KIF26B: variants seen among roughly 807,000 people sequenced by gnomAD.
The protein encoded by KIF26B is kinesin-like protein KIF26B.
In KIF26B, 63 loss-of-function variants were observed where a neutral mutation model predicts 151.2. The ratio of observed to expected loss-of-function variants is 0.42; its 90% CI spans 0.34 to 0.51. The LOEUF (loss-of-function observed/expected upper bound fraction) is 0.51, where lower values mean the gene tolerates loss of function less well. Ranked by LOEUF, KIF26B falls within the 20% of genes least tolerant of loss-of-function variation. KIF26B has a pLI of 0.07. For synonymous variants in KIF26B, 1,357 were observed against 1,262.1 expected (o/e 1.08, Z -1.59); for missense variants, 2,813 against 2,913.6 (o/e 0.97, Z 0.79).
chr1:245,518,870 A>G (rs929569311), intron 4 of KIF26B, among the ~76,000 whole-genome samples: 2 of 152,242 alleles, frequency 1.3e-5, no homozygotes, highest in Admixed American at 6.5e-5. Flanking sequence ...AGCTGCTAAG[A>G]GTCCATGAGC....
chr1:245,603,789 A>G (rs150058857), intron 6 of KIF26B, among the ~76,000 whole-genome samples: 15 of 152,202 alleles, frequency 9.9e-5, no homozygotes, highest in East Asian at 9.7e-4. Flanking sequence ...TGGAGAAGAG[A>G]TTGCTTCTAA....
chr1:245,238,253 T>C (rs1014694514), intron 2 of KIF26B, among the ~76,000 whole-genome samples: 5 of 152,034 alleles, frequency 3.3e-5, no homozygotes, highest in African/African-American at 1.2e-4. Flanking sequence ...CAAGAATCAC[T>C]TGAACCCAAG....
intron 12 of KIF26B, among the ~76,000 whole-genome samples, chr1:245,689,150 C>A (rs758963005): frequency 1.3e-5 from 2 of 152,214 alleles, no homozygotes; most frequent in Non-Finnish European, 2.9e-5. Context: ...AGGCGAGGGC[C>A]CGGATGCAGG....
intron 2 of KIF26B, among the ~76,000 whole-genome samples, chr1:245,194,512 G>A (rs1422571400): frequency 2.6e-5 from 4 of 152,196 alleles, no homozygotes; most frequent in African/African-American, 4.8e-5. Flanking sequence ...AAGTAGCTGG[G>A]ACTACAGGCA....
intron 10 of KIF26B, among the ~76,000 whole-genome samples, chr1:245,657,871 A>G (rs1435059072): frequency 1.3e-5 from 2 of 152,196 alleles, no homozygotes; most frequent in Non-Finnish European, 2.9e-5. Context: ...ATGTAGAAAC[A>G]CACCTACTCA....
chr1:245,350,514 C>T (rs559224377), intron 2 of KIF26B, among the ~76,000 whole-genome samples: 6 of 152,180 alleles, frequency 3.9e-5, no homozygotes, highest in Admixed American at 3.3e-4. Flanking sequence ...CTTTGGGCTG[C>T]TGTCCCCTGA....
intron 3 of KIF26B, among the ~76,000 whole-genome samples, chr1:245,415,888 C>A (rs1674404650): frequency 6.6e-6 from 1 of 151,584 alleles, no homozygotes; most frequent in Non-Finnish European, 1.5e-5. Context: ...AAAGAGGCAG[C>A]TCTTGATCCC....
chr1:245,660,013 C>T (rs918923343), intron 10 of KIF26B, among the ~76,000 whole-genome samples: 4 of 151,912 alleles, frequency 2.6e-5, no homozygotes, highest in Admixed American at 2.6e-4. Flanking sequence ...CACGCCATTG[C>T]ACTCCAGCCT....
chr1:245,451,716 C>T (rs1232482666), intron 4 of KIF26B, among the ~76,000 whole-genome samples: 1 of 149,730 alleles, frequency 6.7e-6, no homozygotes, highest in Non-Finnish European at 1.5e-5. Flanking sequence ...TCTCCTGCCT[C>T]AGCCTCCCGA....
At position 245,547,692 on chromosome 1, in the gene KIF26B, C is replaced by CA. The variant is rs547587743; in HGVS notation, c.1350+6743dup. On this transcript the variant is annotated intron_variant, in intron 5 of 14. Coordinates refer to ENST00000407071, the MANE Select transcript of KIF26B (RefSeq NM_018012.4). The stretch of plus-strand genomic sequence containing the variant: ...TGTGGATATCATTTTCTGTTGTCTT[C>CA]ATTATCAAATGGAGAACTAGAAGGG... 6.9e-4 allele frequency among the ~76,000 whole-genome samples: 104 copies of CA among 151,586 alleles called. 1 individual carries two copies. In the South Asian group the frequency reaches 0.021, roughly 30 times the overall value.
In KIF26B at chr1:245,287,436, G is replaced by A. The variant is rs187754255; in HGVS notation, c.466-79398G>A. 9.0e-4 allele frequency among the ~76,000 whole-genome samples: 135 copies of A among 149,892 alleles called. 3 individuals carry two copies. In the South Asian group the frequency reaches 0.017, roughly 19 times the overall value. ...GTTTTTTTCTTCCAAATTATTGGTC[G>A]GATTGTGTAATTATTAAGAGCCTTT... On this transcript the variant is annotated intron_variant, in intron 2 of 14. Transcript: ENST00000407071.
chr1:245,552,503 A>T (rs1391046339), intron 5 of KIF26B, among the ~76,000 whole-genome samples: 1 of 152,098 alleles, frequency 6.6e-6, no homozygotes, highest in African/African-American at 2.4e-5. Context: ...TTACCATCGC[A>T]CTAGGGGAAT....
intron 9 of KIF26B, among the ~76,000 whole-genome samples, chr1:245,637,391 G>T (rs888843052): frequency 6.6e-6 from 1 of 151,870 alleles, no homozygotes; most frequent in Non-Finnish European, 1.5e-5. Flanking sequence ...TGAGTTGTTT[G>T]AATTCCTCAT....
At position 245,706,449 on chromosome 1, in the gene KIF26B, T is replaced by TA. The variant is rs201252469; in HGVS notation, c.*3844dup. 2.6e-5 allele frequency: 4 copies of TA among 152,226 alleles called. No homozygotes were observed. In the East Asian group the frequency reaches 7.7e-4, roughly 29 times the overall value. The allele number at this position is 152,226 out of a possible 1,614,324, so 9.4% of individuals were successfully genotyped here. A position where few individuals can be genotyped will look rare whatever the true frequency, so the allele number is the denominator to read the frequency against. ...CACTGCTGATTATATTGAGTGTTTT[T>TA]AGGTTTTTTAGGTTTCTTATTCCAA... On this transcript the variant is annotated 3_prime_UTR_variant, in exon 15 of 15. Coordinates refer to ENST00000407071, the MANE Select transcript of KIF26B (RefSeq NM_018012.4).
At chr1:245,323,668 A>G (rs937998684) in intron 2 of KIF26B, among the ~76,000 whole-genome samples, 4 of 152,206 alleles carry the variant, frequency 2.6e-5, no homozygotes, top group African/African-American at 9.7e-5. Context: ...AAAGGCTCTG[A>G]AAAGACCCAC....
At chr1:245,510,779 C>T (rs1213300587) in intron 4 of KIF26B, among the ~76,000 whole-genome samples, 5 of 151,860 alleles carry the variant, frequency 3.3e-5, no homozygotes, top group African/African-American at 9.7e-5. Context: ...GTGAGCTCCT[C>T]TCCCATCCAT....
At chr1:245,459,893 A>C (rs994641461) in intron 4 of KIF26B, among the ~76,000 whole-genome samples, 1 of 142,228 alleles carries the variant, frequency 7.0e-6, no homozygotes, top group African/African-American at 2.5e-5. Context: ...TCCTCCTCAT[A>C]AACCTTTTTT....
chr1:245,651,113 C>A (rs982416516), intron 10 of KIF26B, among the ~76,000 whole-genome samples: 4 of 152,184 alleles, frequency 2.6e-5, no homozygotes, highest in Admixed American at 2.6e-4. Context: ...TCCACAAAAG[C>A]GATGAGGACA....
At chr1:245,369,472 T>C (rs1673054471) in intron 3 of KIF26B, among the ~76,000 whole-genome samples, 1 of 152,230 alleles carries the variant, frequency 6.6e-6, no homozygotes, top group Admixed American at 6.5e-5. Context: ...TCCTAAGATA[T>C]TAGCATTCTT....
Sources: allele counts gnomAD v4.1 joint callset (sites outside exome capture counted in the v4.1 genomes callset), GRCh38; gene constraint gnomAD v4.1.1; transcripts MANE v1.5; gene names NCBI Gene and HGNC (gene_info 2026-07-23, HGNC 2026-07-21).